SRC: variants seen among roughly 807,000 people sequenced by gnomAD.
The protein encoded by SRC is proto-oncogene tyrosine-protein kinase Src.
SRC carries 13 observed loss-of-function variants against 62.9 expected under a neutral mutation model. The ratio of observed to expected loss-of-function variants is 0.21; its 90% CI spans 0.13 to 0.33. SRC has a LOEUF of 0.33. Ranked by LOEUF, SRC falls within the 10% of genes least tolerant of loss-of-function variation. The probability of loss-of-function intolerance (pLI) is 1.00; values close to 1 mark genes in which losing one functional copy is unlikely to be tolerated. For synonymous variants in SRC, 302 were observed against 317.5 expected, an observed-to-expected ratio of 0.95 and a Z score of 0.52; for missense variants, 457 against 737.3, an observed-to-expected ratio of 0.62 and a Z score of 4.40.
upstream of SRC, chr20:37,344,939 G>A (rs750003537): frequency 6.6e-6 from 1 of 152,342 alleles, no homozygotes; most frequent in Non-Finnish European, 1.5e-5. Flanking sequence ...CACAGCAGAG[G>A]GGCAGCTAGC....
At chr20:37,354,452 C>T (rs1465282396) in intron 1 of SRC, among the ~76,000 whole-genome samples, 1 of 152,208 alleles carries the variant, frequency 6.6e-6, no homozygotes, top group East Asian at 1.9e-4. Flanking sequence ...AGGCAGCACT[C>T]AACAGCTGCA....
Position 37,396,084 on chromosome 20 carries a change from G to C in SRC, c.554-78G>C. 6.4e-7 allele frequency: 1 copy of C among 1,550,652 alleles called. No homozygotes were observed. Among genetic ancestry groups the C allele is most frequent in the South Asian group, 1.2e-5 (1 of 84,224 alleles). On this transcript the variant is annotated intron_variant, in intron 7 of 13. Coordinates refer to ENST00000373578, the MANE Select transcript of SRC (RefSeq NM_198291.3). This position sits in a 1 kb window ranked among gnomAD's most constrained non-coding sequence, Gnocchi z 6.1. The stretch of plus-strand genomic sequence containing the variant: ...CCTCCCTTCCCTCCAATGTCAGGCA[G>C]GCACAGAACGGTGTCCAGAGCAGCG...
chr20:37,358,848 C>G (rs1378923183), intron 1 of SRC, among the ~76,000 whole-genome samples: 1 of 152,262 alleles, frequency 6.6e-6, no homozygotes, highest in Non-Finnish European at 1.5e-5. Flanking sequence ...CCTGCCGTCT[C>G]CACCCCAGCC....
rs2070640514 is a variant in SRC, at chr20:37,396,049, C to T, written c.554-113C>T. On this transcript the variant is annotated intron_variant, in intron 7 of 13. Coordinates refer to ENST00000373578, the MANE Select transcript of SRC (RefSeq NM_198291.3). This position sits in a 1 kb window ranked among gnomAD's most constrained non-coding sequence, Gnocchi z 6.1. ...TTGAGAGACAGGGTGGGCCTGGGGCCCCGCCTGGGCCTCCCTTCCCTCCAA... is the reference window on the plus strand; with the variant it reads ...TTGAGAGACAGGGTGGGCCTGGGGCTCCGCCTGGGCCTCCCTTCCCTCCAA... 3 of 1,482,486 alleles carry T rather than the reference C, an allele frequency of 2.0e-6. No homozygotes were observed. The highest frequency in any genetic ancestry group is 2.5e-4 in the Middle Eastern group (1 of 4,020). 91.8% of individuals were successfully genotyped at this position (1,482,486 alleles called of 1,614,324 possible). A position where few individuals can be genotyped will look rare whatever the true frequency, so the allele number is the denominator to read the frequency against.
At chr20:37,400,611 G>A (rs1306289508) in intron 10 of SRC, among the ~76,000 whole-genome samples, 1 of 152,036 alleles carries the variant, frequency 6.6e-6, no homozygotes, top group Non-Finnish European at 1.5e-5. Flanking sequence ...CGAACTCTTG[G>A]GCTCAAGGAG....
At chr20:37,368,576 G>T in intron 2 of SRC, among the ~76,000 whole-genome samples, 2 of 88,906 alleles carry the variant, frequency 2.2e-5, no homozygotes, top group African/African-American at 8.2e-5. Context: ...TTTTTGAGAC[G>T]GAGTCTCGCT....
rs2070043139 is a variant in SRC at position 37,365,292 on chromosome 20, T to C, written c.-173+15T>C. 1 of 150,926 alleles carries C rather than the reference T, an allele frequency of 6.6e-6. No homozygotes were observed. The highest frequency in any genetic ancestry group is 6.7e-5 in the Admixed American group (1 of 14,950). The allele number at this position is 150,926 out of a possible 1,614,324, so 9.3% of individuals were successfully genotyped here. A position where few individuals can be genotyped will look rare whatever the true frequency, so the allele number is the denominator to read the frequency against. On this transcript the variant is annotated intron_variant, in intron 2 of 13. Coordinates refer to ENST00000373578, the MANE Select transcript of SRC (RefSeq NM_198291.3). ...TTTGAAACCAGGTAAGCCTGTGTTT[T>C]TTCTTAAAAAGGAAAGAAAAGACAT...
chr20:37,401,381 A>G (rs1411682318), intron 10 of SRC, among the ~76,000 whole-genome samples: 2 of 152,070 alleles, frequency 1.3e-5, no homozygotes, highest in Non-Finnish European at 2.9e-5. Context: ...GCATTAGCAC[A>G]GTTTACCTGT....
At chr20:37,390,388 CTTTTTTTT>C (rs562064689) in intron 5 of SRC, among the ~76,000 whole-genome samples, 9 of 85,658 alleles carry the variant, frequency 1.1e-4, no homozygotes, top group African/African-American at 4.2e-4. Flanking sequence ...TCTGATCTGG[CTTTTTTTT>C]TTTTTTTTTT....
chr20:37,379,125 A>C (rs1401266585), intron 2 of SRC, among the ~76,000 whole-genome samples: 2 of 151,794 alleles, frequency 1.3e-5, no homozygotes, highest in Admixed American at 1.3e-4. Flanking sequence ...GCAACTCGGC[A>C]CCTCTCGAGG....
At chr20:37,350,825 A>G (rs1810052789) in intron 1 of SRC, among the ~76,000 whole-genome samples, 1 of 152,218 alleles carries the variant, frequency 6.6e-6, no homozygotes, top group Non-Finnish European at 1.5e-5. Flanking sequence ...TGTTGGCTTC[A>G]TGGGAAAGAG....
chr20:37,400,958 T>C (rs2070727889), intron 10 of SRC, among the ~76,000 whole-genome samples: 1 of 152,188 alleles, frequency 6.6e-6, no homozygotes, highest in South Asian at 2.1e-4. Context: ...ACATGGAATC[T>C]TTTACATCTG....
intron 1 of SRC, among the ~76,000 whole-genome samples, chr20:37,364,259 A>G (rs1012206108): frequency 6.6e-6 from 1 of 151,328 alleles, no homozygotes; most frequent in African/African-American, 2.4e-5. Context: ...GCTGTGTCTT[A>G]TGAGCTGTGT....
At chr20:37,400,685 T>G (rs1234365584) in intron 10 of SRC, among the ~76,000 whole-genome samples, 2 of 152,166 alleles carry the variant, frequency 1.3e-5, no homozygotes, top group Non-Finnish European at 2.9e-5. Context: ...ATTTTTAAAC[T>G]AATTAGTTAT....
chr20:37,389,589 C>T (rs1256140029), intron 5 of SRC, among the ~76,000 whole-genome samples: 1 of 152,170 alleles, frequency 6.6e-6, no homozygotes, highest in Non-Finnish European at 1.5e-5. Flanking sequence ...CTGTGGTGCA[C>T]CAGCTCAGCG....
upstream of SRC, among the ~76,000 whole-genome samples, chr20:37,345,284 G>A (rs572545296): frequency 2.6e-5 from 4 of 152,242 alleles, no homozygotes; most frequent in South Asian, 2.1e-4. Context: ...TGGAGCCTGC[G>A]CCAGGGGGTA....
At chr20:37,391,159 C>T (rs1474616752) in intron 5 of SRC, among the ~76,000 whole-genome samples, 2 of 152,228 alleles carry the variant, frequency 1.3e-5, no homozygotes, top group Non-Finnish European at 2.9e-5. Context: ...GCCGGCCAGC[C>T]TGCGGACTGC....
At chr20:37,369,452 A>G (rs746133907) in intron 2 of SRC, among the ~76,000 whole-genome samples, 5 of 152,176 alleles carry the variant, frequency 3.3e-5, no homozygotes, top group South Asian at 2.1e-4. Flanking sequence ...TTGCCAACCT[A>G]TAGAAATACA....
intron 2 of SRC, among the ~76,000 whole-genome samples, chr20:37,376,577 C>T (rs1394149950): frequency 6.6e-6 from 1 of 152,220 alleles, no homozygotes; most frequent in Admixed American, 6.5e-5. Flanking sequence ...AATGTCTGCT[C>T]ACTGTAACCT....
Sources: gnomAD v4.1 joint callset for allele counts (sites outside exome capture counted in the v4.1 genomes callset) on GRCh38, gnomAD v4.1.1 for gene constraint, Gnocchi (gnomAD v3.1) non-coding constraint, MANE v1.5 for transcripts, NCBI Gene and HGNC (gene_info 2026-07-23, HGNC 2026-07-21) for gene names.